MAGI2: variants seen among roughly 807,000 people sequenced by gnomAD.
MAGI2 encodes the protein membrane-associated guanylate kinase, WW and PDZ domain-containing protein 2.
A neutral mutation model predicts 133.3 loss-of-function variants in MAGI2; 35 were observed. That is an observed-to-expected ratio of 0.26 (90% CI 0.20 to 0.35). MAGI2 has a LOEUF of 0.35. MAGI2 is among the 10% of genes least tolerant of loss of function. The pLI, the probability that MAGI2 is intolerant of heterozygous loss-of-function variation, is 1.00. For synonymous variants in MAGI2, 729 were observed against 710.6 expected (o/e 1.03, Z -0.41); for missense variants, 1,636 against 1,863.4 (o/e 0.88, Z 2.25).
Position 78,396,058 on chromosome 7 carries a change from T to C in MAGI2, c.1046-26845A>G, listed in dbSNP as rs1359223592. On this transcript the variant is annotated intron_variant, in intron 6 of 21. Coordinates refer to ENST00000354212, the MANE Select transcript of MAGI2 (RefSeq NM_012301.4). ...CAGCTCTAGCCCAGTGCTGGGAACA[T>C]AGTAGGCACTCAAGAAACATGAGTA... 3.9e-5 allele frequency among the ~76,000 whole-genome samples: 6 copies of C among 152,206 alleles called. No individual in the cohort carries two copies. In the East Asian group the frequency reaches 5.8e-4, roughly 15 times the overall value.
At chr7:78,274,112 G>A (rs1794833149) in intron 9 of MAGI2, among the ~76,000 whole-genome samples, 1 of 152,160 alleles carries the variant, frequency 6.6e-6, no homozygotes. Context: ...ACCTTCGGAT[G>A]GAGTTTCTGA....
At chr7:78,166,250 A>G (rs1825612622) in intron 15 of MAGI2, among the ~76,000 whole-genome samples, 1 of 152,192 alleles carries the variant, frequency 6.6e-6, no homozygotes, top group Admixed American at 6.5e-5. Flanking sequence ...GGGAGCATGA[A>G]ATTATGTTGG....
At chr7:79,041,023 G>A (rs896767683) in intron 1 of MAGI2, among the ~76,000 whole-genome samples, 8 of 152,040 alleles carry the variant, frequency 5.3e-5, no homozygotes, top group Non-Finnish European at 7.4e-5. Flanking sequence ...AATTTTTGAC[G>A]TGATGTATAT....
At chr7:78,481,544 A>G (rs1316462620) in intron 6 of MAGI2, among the ~76,000 whole-genome samples, 1 of 151,860 alleles carries the variant, frequency 6.6e-6, no homozygotes, top group Non-Finnish European at 1.5e-5. Context: ...CCAAATATTA[A>G]GGTTTACTAT....
At chr7:78,734,158 C>A (rs899469648) in intron 2 of MAGI2, among the ~76,000 whole-genome samples, 5 of 152,244 alleles carry the variant, frequency 3.3e-5, no homozygotes, top group African/African-American at 1.2e-4. Context: ...TTATGTTTGA[C>A]AGATTATGAT....
intron 1 of MAGI2, among the ~76,000 whole-genome samples, chr7:79,435,488 G>T (rs1415424204): frequency 6.6e-6 from 1 of 152,080 alleles, no homozygotes; most frequent in East Asian, 1.9e-4. Context: ...TATCAATTCT[G>T]CATAAAATAA....
intron 3 of MAGI2, among the ~76,000 whole-genome samples, chr7:78,601,046 T>C (rs1805149310): frequency 6.6e-6 from 1 of 152,194 alleles, no homozygotes; most frequent in Admixed American, 6.5e-5. Flanking sequence ...AATACATTTA[T>C]CTGACAATAT....
At chr7:78,645,763 T>C (rs567701070) in intron 2 of MAGI2, among the ~76,000 whole-genome samples, 15 of 150,630 alleles carry the variant, frequency 1.0e-4, no homozygotes, top group Admixed American at 5.3e-4. Context: ...CCCCGAGACA[T>C]TGTCATTCTC....
intron 3 of MAGI2, among the ~76,000 whole-genome samples, chr7:78,533,633 G>A (rs1241300660): frequency 2.0e-5 from 3 of 152,302 alleles, no homozygotes; most frequent in Admixed American, 6.5e-5. Flanking sequence ...TGGCTAGTTC[G>A]AGTTGAGATG....
rs190366862 is a variant in MAGI2, at chr7:78,198,231, T to C, written c.2079+2931A>G. Among the ~76,000 whole-genome samples, 8 of 152,150 alleles carry C rather than the reference T, an allele frequency of 5.3e-5. No individual in the cohort carries two copies. The East Asian group carries it at 1.4e-3, about 26-fold the overall frequency. ...ACACCCAGGCCAATGTTTATAAACA[T>C]CTCACTAGAATAAGCACAAATGGAA... On this transcript the variant is annotated intron_variant, in intron 11 of 21. Transcript: ENST00000354212.
chr7:79,178,044 T>C (rs1313846464), intron 1 of MAGI2, among the ~76,000 whole-genome samples: 3 of 152,042 alleles, frequency 2.0e-5, no homozygotes, highest in East Asian at 3.9e-4. Flanking sequence ...CTTCCATCTA[T>C]CATATCTTCA....
intron 1 of MAGI2, among the ~76,000 whole-genome samples, chr7:79,223,339 C>A (rs548473865): frequency 6.6e-6 from 1 of 152,142 alleles, no homozygotes; most frequent in Admixed American, 6.5e-5. Context: ...TTTGAAATTG[C>A]ATTCGTCAAG....
intron 1 of MAGI2, among the ~76,000 whole-genome samples, chr7:79,399,076 TTTC>T (rs774828763): frequency 1.4e-3 from 205 of 145,028 alleles, no homozygotes; most frequent in Non-Finnish European, 2.2e-3. Flanking sequence ...ACTAGTATTA[TTTC>T]TTTTTTTTTT....
At chr7:78,411,468 CAT>C (rs1562959293) in intron 6 of MAGI2, among the ~76,000 whole-genome samples, 2 of 151,988 alleles carry the variant, frequency 1.3e-5, no homozygotes, top group Non-Finnish European at 2.9e-5. Flanking sequence ...AAATGATACA[CAT>C]GTTATAGCTA....
rs1010889865 is a variant in MAGI2, at chr7:79,453,366, G to C, written c.-46C>G. 1.9e-6 allele frequency: 3 copies of C among 1,547,882 alleles called. No homozygotes were observed. The highest frequency in any genetic ancestry group is 2.0e-5 in the Admixed American group (1 of 49,694). ...CAGTTCCTGGGCTCCTTGGGGTTAG[G>C]GGGGCTGGTGGTGAGAGAATGAGGA... On this transcript the variant is annotated 5_prime_UTR_variant, in exon 1 of 22. Transcript: ENST00000354212.
At chr7:78,045,304 TA>T (rs1811311245) in intron 21 of MAGI2, among the ~76,000 whole-genome samples, 1 of 152,208 alleles carries the variant, frequency 6.6e-6, no homozygotes, top group South Asian at 2.1e-4. Context: ...GTTGGGGTCT[TA>T]TTTTTTTTAG....
chr7:78,051,034 A>G (rs1437819546), intron 21 of MAGI2, among the ~76,000 whole-genome samples: 2 of 152,162 alleles, frequency 1.3e-5, no homozygotes, highest in African/African-American at 4.8e-5. Context: ...TGGAGCATTG[A>G]CCTGTTTTGA....
At chr7:78,776,116 T>A (rs1825967822) in intron 2 of MAGI2, among the ~76,000 whole-genome samples, 1 of 152,244 alleles carries the variant, frequency 6.6e-6, no homozygotes, top group Non-Finnish European at 1.5e-5. Context: ...AAATTTTATG[T>A]TTAGCATTTA....
rs1174908419 is a variant in MAGI2 at position 78,318,714 on chromosome 7, CA to C, written c.1408+25063del. Among the ~76,000 whole-genome samples the C allele has an allele frequency of 2.0e-5, 3 of 152,202 alleles. No individual in the cohort carries two copies. In the East Asian group the frequency reaches 5.8e-4, roughly 29 times the overall value. On this transcript the variant is annotated intron_variant, in intron 9 of 21. Coordinates refer to ENST00000354212, the MANE Select transcript of MAGI2 (RefSeq NM_012301.4). ...TGAGGGAAAAAATGTTAAGGGCAGC[CA>C]AAGAGAAAGGTCAGGTTACCCACAA...
Sources: allele counts gnomAD v4.1 joint callset (sites outside exome capture counted in the v4.1 genomes callset), GRCh38; gene constraint gnomAD v4.1.1; transcripts MANE v1.5; gene names NCBI Gene and HGNC (gene_info 2026-07-23, HGNC 2026-07-21).